Variants in FOXN3 observed in about 807,000 individuals in gnomAD.
FOXN3 encodes the protein forkhead box N3.
Under a neutral mutation model 38.4 loss-of-function variants are expected in FOXN3, and 7 were observed. The observed-to-expected ratio is 0.18, with a 90% CI of 0.10 to 0.34. The LOEUF (loss-of-function observed/expected upper bound fraction) is 0.34. Ranked by LOEUF, FOXN3 falls within the 10% of genes least tolerant of loss-of-function variation. The pLI is 1.00. For synonymous variants in FOXN3, 230 were observed against 242.2 expected (o/e 0.95, Z 0.47); for missense variants, 456 against 613.4 (o/e 0.74, Z 2.71).
intron 3 of FOXN3, among the ~76,000 whole-genome samples, chr14:89,298,897 T>C (rs1361905725): frequency 6.6e-6 from 1 of 152,192 alleles, no homozygotes; most frequent in Admixed American, 6.5e-5. Context: ...AATGTTCCTC[T>C]TGTTGGGTAG....
In FOXN3 at chr14:89,171,359, A is replaced by G. The variant is rs112942367; in HGVS notation, c.852-8390T>C. On this transcript the variant is annotated intron_variant, in intron 5 of 5. Coordinates refer to ENST00000557258, the MANE Select transcript of FOXN3 (RefSeq NM_005197.4). ...TTGCAAGCAAGTTCCAACAAACATTAAGCAATAGATATTTCCAGTCTTAGA... is the reference window on the plus strand; with the variant it reads ...TTGCAAGCAAGTTCCAACAAACATTGAGCAATAGATATTTCCAGTCTTAGA... Among the ~76,000 whole-genome samples, 1,339 of 152,310 alleles carry G rather than the reference A, an allele frequency of 8.8e-3. 10 individuals carry two copies. Among genetic ancestry groups the G allele is most frequent in the Middle Eastern group, 0.031 (9 of 294 alleles).
At chr14:89,528,446 G>A (rs1234257054) in intron 1 of FOXN3, among the ~76,000 whole-genome samples, 1 of 129,686 alleles carries the variant, frequency 7.7e-6, no homozygotes, top group Non-Finnish European at 1.6e-5. Context: ...GCCCAGGCTG[G>A]AGTGCAATGG....
At chr14:89,491,256 G>A (rs779240461) in intron 1 of FOXN3, among the ~76,000 whole-genome samples, 2 of 152,142 alleles carry the variant, frequency 1.3e-5, no homozygotes, top group Non-Finnish European at 2.9e-5. Context: ...GATTACAGGC[G>A]TGAGCCACTG....
At chr14:89,236,748 G>A (rs942669582) in intron 4 of FOXN3, among the ~76,000 whole-genome samples, 4 of 152,240 alleles carry the variant, frequency 2.6e-5, no homozygotes, top group Non-Finnish European at 2.9e-5. Context: ...TGCTCTAGCT[G>A]TGGGGACACT....
intron 1 of FOXN3, among the ~76,000 whole-genome samples, chr14:89,427,844 G>GA (rs745431181): frequency 1.8e-3 from 265 of 144,428 alleles, no homozygotes; most frequent in African/African-American, 5.3e-3. Flanking sequence ...CACTTAACAG[G>GA]AAAAAAAAAA....
chr14:89,352,840 A>G (rs1179406668), intron 2 of FOXN3, among the ~76,000 whole-genome samples: 1 of 152,070 alleles, frequency 6.6e-6, no homozygotes, highest in African/African-American at 2.4e-5. Context: ...TCCTAACCTA[A>G]GTGTTTGTTT....
At position 89,230,805 on chromosome 14, in the gene FOXN3, T is replaced by A; in HGVS notation, c.746-49999A>T. ...TAGTAGAGGTCACATCTGCTTTAAA[T>A]TCTGTAACCCTCCTTACAGTGTTCA... On this transcript the variant is annotated intron_variant, in intron 4 of 5. Coordinates refer to ENST00000557258, the MANE Select transcript of FOXN3 (RefSeq NM_005197.4). 7 of 446,910 alleles carry A rather than the reference T, an allele frequency of 1.6e-5. 1 individual carries two copies. Among genetic ancestry groups the A allele is most frequent in the South Asian group, 1.1e-4 (7 of 63,688 alleles). 27.7% of individuals were successfully genotyped at this position (446,910 alleles called of 1,614,324 possible). A position where few individuals can be genotyped will look rare whatever the true frequency, so the allele number is the denominator to read the frequency against.
At chr14:89,376,626 T>C (rs1346920500) in intron 2 of FOXN3, among the ~76,000 whole-genome samples, 1 of 152,132 alleles carries the variant, frequency 6.6e-6, no homozygotes, top group Non-Finnish European at 1.5e-5. Flanking sequence ...TGACCACCCT[T>C]GGCCGCTGAT....
intron 4 of FOXN3, among the ~76,000 whole-genome samples, chr14:89,194,176 A>T (rs1227340039): frequency 6.6e-6 from 1 of 152,054 alleles, no homozygotes; most frequent in East Asian, 1.9e-4. Flanking sequence ...AGAAGTCTTT[A>T]ATTTTTTAGT....
chr14:89,319,257 G>A lies in FOXN3; in HGVS notation c.680+31415C>T, dbSNP rs538609557. Among the ~76,000 whole-genome samples the A allele has an allele frequency of 2.6e-4, 40 of 152,212 alleles. No individual in the cohort carries two copies. In the South Asian group the frequency reaches 3.7e-3, roughly 14 times the overall value. On this transcript the variant is annotated intron_variant, in intron 3 of 5. Coordinates refer to ENST00000557258, the MANE Select transcript of FOXN3 (RefSeq NM_005197.4). The stretch of plus-strand genomic sequence containing the variant: ...ACTAGGAGGACTCACAGGACACAGC[G>A]TACAGTCATGCTCATGGCTATGATT...
At chr14:89,485,243 G>C (rs1893424114) in intron 1 of FOXN3, among the ~76,000 whole-genome samples, 1 of 151,658 alleles carries the variant, frequency 6.6e-6, no homozygotes, top group Non-Finnish European at 1.5e-5. Context: ...GGGGTGGACA[G>C]GATCCACTGC....
intron 3 of FOXN3, among the ~76,000 whole-genome samples, chr14:89,322,114 G>A (rs770079428): frequency 4.6e-5 from 7 of 152,206 alleles, no homozygotes; most frequent in Non-Finnish European, 1.5e-5. Flanking sequence ...GCTTGCTGCC[G>A]TTGCTCACTG....
intron 1 of FOXN3, among the ~76,000 whole-genome samples, chr14:89,440,557 G>A (rs1892360998): frequency 1.3e-5 from 2 of 152,164 alleles, no homozygotes; most frequent in Admixed American, 6.5e-5. Flanking sequence ...CCTTGTGAAA[G>A]TCCTTTTCCT....
intron 3 of FOXN3, among the ~76,000 whole-genome samples, chr14:89,305,730 T>G (rs1045073582): frequency 6.6e-6 from 1 of 152,250 alleles, no homozygotes; most frequent in African/African-American, 2.4e-5. Context: ...GCCTTATATT[T>G]ATGAAGGATT....
At chr14:89,336,294 C>T (rs1480980984) in intron 3 of FOXN3, among the ~76,000 whole-genome samples, 1 of 151,678 alleles carries the variant, frequency 6.6e-6, no homozygotes, top group East Asian at 1.9e-4. Flanking sequence ...CCCACGCCTC[C>T]CCCATCAATT....
chr14:89,302,766 T>C (rs759475481), intron 3 of FOXN3, among the ~76,000 whole-genome samples: 1 of 152,150 alleles, frequency 6.6e-6, no homozygotes, highest in Non-Finnish European at 1.5e-5. Flanking sequence ...GTATGCTACT[T>C]CTCTCCCTTT....
intron 1 of FOXN3, among the ~76,000 whole-genome samples, chr14:89,462,646 G>A (rs1892870061): frequency 1.3e-5 from 2 of 151,914 alleles, no homozygotes; most frequent in African/African-American, 4.8e-5. Context: ...GAGGGGGCTG[G>A]GTATGCTAAC....
chr14:89,194,146 AAG>A (rs1888036826), intron 4 of FOXN3, among the ~76,000 whole-genome samples: 1 of 151,986 alleles, frequency 6.6e-6, no homozygotes. Flanking sequence ...TCAGTTTCTT[AAG>A]AGTGTCTTTT....
chr14:89,360,782 C>T (rs868419594), intron 2 of FOXN3, among the ~76,000 whole-genome samples: 293 of 78,406 alleles, frequency 3.7e-3, no homozygotes, highest in Middle Eastern at 7.9e-3. Context: ...CCTCCACCAC[C>T]ACCTCCACCA....
Sources: gnomAD v4.1 joint callset for allele counts (sites outside exome capture counted in the v4.1 genomes callset) on GRCh38, gnomAD v4.1.1 for gene constraint, MANE v1.5 for transcripts, NCBI Gene and HGNC (gene_info 2026-07-23, HGNC 2026-07-21) for gene names.